Variants in DDX50 observed in about 807,000 individuals in gnomAD.
DDX50 encodes the protein ATP-dependent RNA helicase DDX50.
DDX50 carries 56 observed loss-of-function variants against 94.8 expected under a neutral mutation model. That is an observed-to-expected ratio of 0.59 (90% CI 0.48 to 0.74). The LOEUF (loss-of-function observed/expected upper bound fraction) is 0.74. DDX50 is among the 30% of genes least tolerant of loss of function. DDX50 has a pLI of 0.00. For missense variants in DDX50, 713 were observed against 881.2 expected, an observed-to-expected ratio of 0.81 and a Z score of 2.42; for synonymous variants, 264 against 295.4, an observed-to-expected ratio of 0.89 and a Z score of 1.09.
At chr10:68,935,021 A>C in intron 10 of DDX50, 103 bp downstream of exon 10, 10 of 1,395,926 alleles carry the variant, frequency 7.2e-6, no homozygotes, top group Non-Finnish European at 8.5e-6. Context: ...AACTTTTCTC[A>C]GTTTAAGCTG....
chr10:68,907,098 C>A, intron 2 of DDX50, 91 bp downstream of exon 2: 1 of 1,270,536 alleles, frequency 7.9e-7, no homozygotes, highest in African/African-American at 1.5e-5. Context: ...GATTCTATAA[C>A]ATTTCTTGAT....
chr10:68,929,268 C>CCTTT (rs1367733737), intron 8 of DDX50, among the ~76,000 whole-genome samples: 2 of 76,456 alleles, frequency 2.6e-5, no homozygotes, highest in Non-Finnish European at 6.4e-5. Context: ...TTCCTTCCTT[C>CCTTT]CTTCCTTCCT....
chr10:68,903,726 G>A (rs183092590), intron 1 of DDX50, among the ~76,000 whole-genome samples: 3 of 151,934 alleles, frequency 2.0e-5, no homozygotes, highest in South Asian at 2.1e-4. Context: ...GTATGAACCC[G>A]GGAGGCTGAG....
intron 7 of DDX50, among the ~76,000 whole-genome samples, chr10:68,917,664 A>G (rs1221192120): frequency 6.6e-6 from 1 of 152,122 alleles, no homozygotes; most frequent in Non-Finnish European, 1.5e-5. Context: ...GCAGTGTGGC[A>G]TGATCTCAGC....
intron 12 of DDX50, among the ~76,000 whole-genome samples, chr10:68,937,384 C>A (rs541417999): frequency 1.0e-5 from 1 of 98,042 alleles, no homozygotes; most frequent in African/African-American, 3.0e-5. Context: ...CCTTTTTTAG[C>A]TCTAATTTGT....
At position 68,934,038 on chromosome 10, in the gene DDX50, TTC is replaced by T. The variant is rs1452412200; in HGVS notation, c.1240-159_1240-158del. On this transcript the variant is annotated intron_variant, in intron 8 of 14. Transcript: ENST00000373585. This position sits in a 1 kb window ranked among gnomAD's most constrained non-coding sequence, Gnocchi z 4.0. Reference sequence around the variant, plus strand: ...GCTTTTACATTTTATGTTAAATATTTTCTGTCATGTTTGACTTTTTTTTTTTA... The same window carrying T: ...GCTTTTACATTTTATGTTAAATATTTTGTCATGTTTGACTTTTTTTTTTTA... Among the ~76,000 whole-genome samples the T allele has an allele frequency of 6.6e-6, 1 of 151,610 alleles. No individual in the cohort carries two copies. Among genetic ancestry groups the T allele is most frequent in the Non-Finnish European group, 1.5e-5 (1 of 67,982 alleles).
chr10:68,909,122 G>A (rs1279376014), intron 2 of DDX50, among the ~76,000 whole-genome samples: 1 of 152,158 alleles, frequency 6.6e-6, no homozygotes, highest in African/African-American at 2.4e-5. Flanking sequence ...CACCACGCCT[G>A]GCCGACAGTG....
chr10:68,903,576 G>A (rs1841353121), intron 1 of DDX50, among the ~76,000 whole-genome samples: 1 of 149,530 alleles, frequency 6.7e-6, no homozygotes, highest in Non-Finnish European at 1.5e-5. Context: ...TGAGGCAGGT[G>A]GATCACCTAA....
At chr10:68,936,899 C>T (rs1842435098) in intron 11 of DDX50, 37 bp from the exon 12 acceptor site, 2 of 1,516,150 alleles carry the variant, frequency 1.3e-6, no homozygotes, top group Non-Finnish European at 1.8e-6. Flanking sequence ...TATTTTTTCC[C>T]TATGTCTTGA....
chr10:68,901,316 C>G lies in DDX50; in HGVS notation c.-69C>G, dbSNP rs375977620. On this transcript the variant is annotated 5_prime_UTR_variant, in exon 1 of 15. Transcript: ENST00000373585. ...CGGGCGGCCGCCTTGCCCCCGCTTC[C>G]TTTCACGCTGTCGCTGCCCGTAGGT... 14 of 1,446,322 alleles carry G rather than the reference C, an allele frequency of 9.7e-6. No homozygotes were observed. Among genetic ancestry groups the G allele is most frequent in the South Asian group, 1.4e-5 (1 of 73,142 alleles). 89.6% of individuals were successfully genotyped at this position (1,446,322 alleles called of 1,614,324 possible). A position where few individuals can be genotyped will look rare whatever the true frequency, so the allele number is the denominator to read the frequency against.
chr10:68,944,763 T>C (rs944269665), intron 14 of DDX50, among the ~76,000 whole-genome samples: 15 of 152,146 alleles, frequency 9.9e-5, no homozygotes, highest in African/African-American at 3.4e-4. Context: ...GCCAGGATGG[T>C]CTTGATCTCT....
At chr10:68,925,095 G>GT (rs1239190321) in intron 8 of DDX50, among the ~76,000 whole-genome samples, 3,901 of 28,538 alleles carry the variant, frequency 0.14, 146 homozygotes, top group African/African-American at 0.15. Context: ...CCTGCTCATG[G>GT]TTTTTTTTTT....
At chr10:68,902,306 AAAG>A (rs2132016232) in intron 1 of DDX50, among the ~76,000 whole-genome samples, 1 of 152,300 alleles carries the variant, frequency 6.6e-6, no homozygotes, top group East Asian at 1.9e-4. Context: ...GACCTGGAAA[AAAG>A]AAATCAGCTG....
chr10:68,913,179 A>G lies in DDX50; in HGVS notation c.657A>G (p.Pro219=). 1 of 1,608,886 alleles carries G rather than the reference A, an allele frequency of 6.2e-7. No homozygotes were observed. The highest frequency in any genetic ancestry group is 8.5e-7 in the Non-Finnish European group (1 of 1,178,818). Residue 219 remains proline (P), a synonymous_variant, in exon 5 of 15, where the codon CCA becomes CCG. Coordinates refer to ENST00000373585, the MANE Select transcript of DDX50 (RefSeq NM_024045.2). ...TTGCTCAGGTACTTGTTTTGGCTCC[A>G]ACAAGGGAACTGGCAAACCAAGTAG... ...SRSPKVLVLA[P]TRELANQVAK...
rs750923471 is a variant in DDX50 at position 68,934,243 on chromosome 10, A to G, written c.1284A>G (p.Glu428=). The change falls in exon 9 of 15, where the codon GAA becomes GAG. Residue 428 remains glutamate, a synonymous_variant. Transcript: ENST00000373585. This position sits in a 1 kb window ranked among gnomAD's most constrained non-coding sequence, Gnocchi z 4.0. ...LHGDIAQSQR[E]ITLKGFREGS... ...GGGACATTGCACAGTCACAAAGAGA[A>G]ATTACACTAAAAGGCTTCAGAGAAG... The G allele has an allele frequency of 6.2e-6, 10 of 1,612,320 alleles. No homozygotes were observed. In the East Asian group the frequency reaches 2.2e-4, roughly 36 times the overall value.
chr10:68,939,333 TA>T (rs1842499906), intron 12 of DDX50, among the ~76,000 whole-genome samples: 1 of 152,198 alleles, frequency 6.6e-6, no homozygotes, highest in African/African-American at 2.4e-5. Context: ...AAGAAGTACC[TA>T]AGAAGTTATT....
At chr10:68,905,789 T>G (rs375261131) in intron 1 of DDX50, among the ~76,000 whole-genome samples, 177 of 152,346 alleles carry the variant, frequency 1.2e-3, no homozygotes, top group African/African-American at 4.0e-3. Flanking sequence ...GGCGTATGCC[T>G]GTAGTCCCAG....
chr10:68,921,236 TATTA>T (rs1220260644), intron 8 of DDX50, among the ~76,000 whole-genome samples: 1 of 152,084 alleles, frequency 6.6e-6, no homozygotes, highest in Non-Finnish European at 1.5e-5. Context: ...TATTTAGAAA[TATTA>T]ATTCATTTCA....
chr10:68,913,667 C>A (rs898229535), intron 6 of DDX50, 91 bp downstream of exon 6: 10 of 1,245,424 alleles, frequency 8.0e-6, no homozygotes, highest in East Asian at 2.5e-5. Context: ...ATTGCAGTGT[C>A]CCCTGCGTTC....
Sources: gnomAD v4.1 joint callset for allele counts (sites outside exome capture counted in the v4.1 genomes callset) on GRCh38, gnomAD v4.1.1 for gene constraint, Gnocchi (gnomAD v3.1) non-coding constraint, MANE v1.5 for transcripts, NCBI Gene and HGNC (gene_info 2026-07-23, HGNC 2026-07-21) for gene names.